Variants in SDK2 observed in about 807,000 individuals in gnomAD.
The protein encoded by SDK2 is sidekick cell adhesion molecule 2, also known as protein sidekick-2.
In SDK2, 105 loss-of-function variants were observed where a neutral mutation model predicts 253.9. The ratio of observed to expected loss-of-function variants is 0.41; its 90% CI spans 0.35 to 0.49. The LOEUF is 0.49. Ranked by LOEUF, SDK2 falls within the 20% of genes least tolerant of loss-of-function variation. SDK2 has a pLI of 0.06. For synonymous variants in SDK2, 1,249 were observed against 1,234.9 expected, an observed-to-expected ratio of 1.01 and a Z score of -0.24; for missense variants, 2,608 against 3,003.0, an observed-to-expected ratio of 0.87 and a Z score of 3.07.
At chr17:73,630,616 C>T (rs1259319895) in intron 1 of SDK2, among the ~76,000 whole-genome samples, 1 of 152,180 alleles carries the variant, frequency 6.6e-6, no homozygotes, top group East Asian at 1.9e-4. Flanking sequence ...CCCTCAAGAT[C>T]TTTCTCAGCA....
At chr17:73,607,358 G>C (rs983158237) in intron 1 of SDK2, among the ~76,000 whole-genome samples, 1 of 151,784 alleles carries the variant, frequency 6.6e-6, no homozygotes, top group African/African-American at 2.4e-5. Context: ...AGAGCAGGGA[G>C]AGGCCCACAC....
At chr17:73,483,695 A>ATTTTTTT (rs2063751426) in intron 2 of SDK2, among the ~76,000 whole-genome samples, 1 of 71,112 alleles carries the variant, frequency 1.4e-5, no homozygotes, top group Non-Finnish European at 2.5e-5. Flanking sequence ...ATATATATAT[A>ATTTTTTT]TATATATATA....
Position 73,534,103 on chromosome 17 carries a change from C to A in SDK2, c.65-26506G>T, listed in dbSNP as rs952804790. 3.3e-5 allele frequency among the ~76,000 whole-genome samples: 5 copies of A among 152,156 alleles called. No individual in the cohort carries two copies. The East Asian group carries it at 9.7e-4, about 29-fold the overall frequency. ...TCCCCTCCTCTTCCTCCTCCTCCTTCCCACTCTCCTTCCAATAAGCCCCTA... is the reference window on the plus strand; with the variant it reads ...TCCCCTCCTCTTCCTCCTCCTCCTTACCACTCTCCTTCCAATAAGCCCCTA... On this transcript the variant is annotated intron_variant, in intron 1 of 44. Transcript: ENST00000392650. This position sits in a 1 kb window ranked among gnomAD's most constrained non-coding sequence, Gnocchi z 4.9.
At chr17:73,606,302 T>C (rs1361909137) in intron 1 of SDK2, among the ~76,000 whole-genome samples, 1 of 151,666 alleles carries the variant, frequency 6.6e-6, no homozygotes, top group East Asian at 1.9e-4. Flanking sequence ...CTGGGGAAGC[T>C]GGGTGGGGCA....
chr17:73,365,046 A>G (rs767752712), intron 38 of SDK2, among the ~76,000 whole-genome samples: 1 of 152,034 alleles, frequency 6.6e-6, no homozygotes, highest in Non-Finnish European at 1.5e-5. Context: ...AAGTTAGGAG[A>G]CCTGGATCTC....
At chr17:73,617,151 A>G (rs1204763914) in intron 1 of SDK2, among the ~76,000 whole-genome samples, 1 of 148,792 alleles carries the variant, frequency 6.7e-6, no homozygotes, top group Non-Finnish European at 1.5e-5. Context: ...GGGAGGGGAG[A>G]AGCTTCCCGC....
At chr17:73,598,348 C>T (rs1015439264) in intron 1 of SDK2, among the ~76,000 whole-genome samples, 6 of 152,266 alleles carry the variant, frequency 3.9e-5, no homozygotes, top group East Asian at 3.9e-4. Flanking sequence ...GGCACCTGTG[C>T]GGGCTCATGC....
chr17:73,383,768 C>A lies in SDK2; in HGVS notation c.4705+108G>T. 7.2e-7 allele frequency: 1 copy of A among 1,388,664 alleles called. No homozygotes were observed. Among genetic ancestry groups the A allele is most frequent in the South Asian group, 1.3e-5 (1 of 76,408 alleles). 86.0% of individuals were successfully genotyped at this position (1,388,664 alleles called of 1,614,324 possible). On this transcript the variant is annotated intron_variant, in intron 33 of 44. Transcript: ENST00000392650. The surrounding 1 kb of genome is among the most constrained non-coding windows in gnomAD (Gnocchi z 4.3). ...GAGAGGCACACATGGAGGAGGGAGG[C>A]AAGGTTTCAGGTTAGAGTGGTTCCA...
At chr17:73,527,230 G>A (rs1396076089) in intron 1 of SDK2, among the ~76,000 whole-genome samples, 1 of 152,204 alleles carries the variant, frequency 6.6e-6, no homozygotes, top group Non-Finnish European at 1.5e-5. Flanking sequence ...CTCTGCACAG[G>A]GGGAGGGGAG....
chr17:73,346,336 G>A (rs1002335847), intron 44 of SDK2, among the ~76,000 whole-genome samples: 4 of 152,132 alleles, frequency 2.6e-5, no homozygotes, highest in African/African-American at 9.7e-5. Flanking sequence ...TGAAGATCAA[G>A]ATTAGATGGT....
intron 39 of SDK2, among the ~76,000 whole-genome samples, chr17:73,360,687 G>A (rs1426880792): frequency 1.3e-5 from 2 of 152,106 alleles, no homozygotes; most frequent in Non-Finnish European, 2.9e-5. Context: ...GCTCATGCCT[G>A]TAATCCCAGC....
At chr17:73,401,244 G>A (rs1305443902) in intron 20 of SDK2, 33 bp from the exon 21 acceptor site, 6 of 1,517,158 alleles carry the variant, frequency 4.0e-6, no homozygotes, top group Middle Eastern at 3.4e-4. Flanking sequence ...CATGAGCTTG[G>A]CTGTGATCAC....
rs2046425966 is a variant in SDK2 at position 73,643,642 on chromosome 17, A to AG, written c.64+382dup. Among the ~76,000 whole-genome samples the AG allele has an allele frequency of 1.3e-5, 2 of 151,986 alleles. No homozygotes were observed. The highest frequency in any genetic ancestry group is 4.1e-4 in the South Asian group (2 of 4,828). On this transcript the variant is annotated intron_variant, in intron 1 of 44. Coordinates refer to ENST00000392650, the MANE Select transcript of SDK2 (RefSeq NM_001144952.2). This position sits in a 1 kb window ranked among gnomAD's most constrained non-coding sequence, Gnocchi z 6.9. Reference sequence around the variant, plus strand: ...CCCCGCAGACACCGAGCAGGGAACCAGGAGCTCGGTCTGGGAAGCTCAGCG... The same window carrying AG: ...CCCCGCAGACACCGAGCAGGGAACCAGGGAGCTCGGTCTGGGAAGCTCAGCG...
In SDK2 at chr17:73,644,403, C is replaced by T. The variant is rs1410044466; in HGVS notation, c.-315G>A. Among the ~76,000 whole-genome samples the T allele has an allele frequency of 6.6e-6, 1 of 152,120 alleles. No homozygotes were observed. The highest frequency in any genetic ancestry group is 2.4e-5 in the African/African-American group (1 of 41,444). On this transcript the variant is annotated 5_prime_UTR_variant, in exon 1 of 45. Coordinates refer to ENST00000392650, the MANE Select transcript of SDK2 (RefSeq NM_001144952.2). This position sits in a 1 kb window ranked among gnomAD's most constrained non-coding sequence, Gnocchi z 6.3. ...CAACTCCGACTTCTCCCAAACAGGG[C>T]GGCCTCTGCGATCCGGCCGGGTCGC...
chr17:73,476,452 A>G (rs991989883), intron 2 of SDK2, among the ~76,000 whole-genome samples: 4 of 152,200 alleles, frequency 2.6e-5, no homozygotes, highest in Non-Finnish European at 4.4e-5. Context: ...TATCGTACGC[A>G]TATATTGCTT....
chr17:73,406,314 G>A (rs1368027253), intron 18 of SDK2, among the ~76,000 whole-genome samples: 1 of 148,204 alleles, frequency 6.7e-6, no homozygotes, highest in Non-Finnish European at 1.5e-5. Flanking sequence ...CGAGATCTCC[G>A]CTCACTGCAA....
At position 73,577,992 on chromosome 17, in the gene SDK2, G is replaced by A. The variant is rs375022085; in HGVS notation, c.64+66033C>T. ...TCAGAACGACGTGGCAGGAGAGCAG[G>A]CAGCTTCTAAAAACTGCAAAAGGCA... On this transcript the variant is annotated intron_variant, in intron 1 of 44. Coordinates refer to ENST00000392650, the MANE Select transcript of SDK2 (RefSeq NM_001144952.2). Among the ~76,000 whole-genome samples, 30 of 152,070 alleles carry A rather than the reference G, an allele frequency of 2.0e-4. 2 individuals are homozygous for A. The highest frequency in any genetic ancestry group is 1.5e-3 in the Admixed American group (23 of 15,260).
intron 3 of SDK2, among the ~76,000 whole-genome samples, chr17:73,471,736 T>G (rs920750235): frequency 3.3e-5 from 5 of 152,040 alleles, no homozygotes; most frequent in African/African-American, 9.7e-5. Flanking sequence ...AGAGGAGGCA[T>G]TGGAAGCAGG....
At chr17:73,350,159 C>T (rs2062521753) in intron 43 of SDK2, 78 bp downstream of exon 43, 3 of 217,228 alleles carry the variant, frequency 1.4e-5, no homozygotes, top group African/African-American at 4.3e-5. Flanking sequence ...GCACTCCCTG[C>T]TCTATGGCCT....
Sources: allele counts gnomAD v4.1 joint callset (sites outside exome capture counted in the v4.1 genomes callset), GRCh38; gene constraint gnomAD v4.1.1; non-coding constraint Gnocchi (gnomAD v3.1); transcripts MANE v1.5; gene names NCBI Gene and HGNC (gene_info 2026-07-23, HGNC 2026-07-21).